The following DCAF12 variants were observed in gnomAD, a reference collection of about 807,000 sequenced individuals.
DCAF12 encodes the protein DDB1- and CUL4-associated factor 12.
DCAF12 carries 28 observed loss-of-function variants against 52.8 expected under a neutral mutation model. That is an observed-to-expected ratio of 0.53 (90% CI 0.39 to 0.73). The LOEUF (loss-of-function observed/expected upper bound fraction) is 0.73, where lower values mean the gene tolerates loss of function less well. Ranked by LOEUF, DCAF12 falls within the 30% of genes least tolerant of loss-of-function variation. The probability of loss-of-function intolerance (pLI) is 0.00; values close to 1 mark genes in which losing one functional copy is unlikely to be tolerated. For synonymous variants in DCAF12, 196 were observed against 215.5 expected (o/e 0.91, Z 0.79); for missense variants, 425 against 552.2 (o/e 0.77, Z 2.31).
chr9:34,114,293 T>A (rs1395616487), intron 2 of DCAF12, among the ~76,000 whole-genome samples: 1 of 152,178 alleles, frequency 6.6e-6, no homozygotes, highest in Admixed American at 6.6e-5. Context: ...CTGGATGCGG[T>A]GGCTCACACC....
chr9:34,091,426 CA>C lies in DCAF12; in HGVS notation c.1025-1837del, dbSNP rs534715205. 2.0e-3 allele frequency among the ~76,000 whole-genome samples: 311 copies of C among 151,802 alleles called. 1 individual carries two copies. The highest frequency in any genetic ancestry group is 7.1e-3 in the African/African-American group (294 of 41,408). On this transcript the variant is annotated intron_variant, in intron 7 of 8. Coordinates refer to ENST00000361264, the MANE Select transcript of DCAF12 (RefSeq NM_015397.4). ...CTTTGGGAGGCTGAGGTGGGTGTCC[CA>C]AGAGTTTGAGACAACTCTGGGCAAC...
chr9:34,108,095 C>G (rs909200986), intron 2 of DCAF12, among the ~76,000 whole-genome samples: 1 of 152,206 alleles, frequency 6.6e-6, no homozygotes, highest in African/African-American at 2.4e-5. Context: ...ACATCCCATT[C>G]AGTCCTATTC....
intron 2 of DCAF12, among the ~76,000 whole-genome samples, chr9:34,113,965 G>A (rs989717741): frequency 3.9e-5 from 6 of 151,966 alleles, no homozygotes; most frequent in Admixed American, 1.3e-4. Flanking sequence ...AAAATTAGCC[G>A]GGCGTGGTGG....
chr9:34,114,291 G>A (rs570858705), intron 2 of DCAF12, among the ~76,000 whole-genome samples: 1 of 152,036 alleles, frequency 6.6e-6, no homozygotes, highest in Non-Finnish European at 1.5e-5. Flanking sequence ...GGCTGGATGC[G>A]GTGGCTCACA....
intron 6 of DCAF12, among the ~76,000 whole-genome samples, chr9:34,095,082 G>GC (rs1202047908): frequency 7.4e-6 from 1 of 135,468 alleles, no homozygotes; most frequent in Non-Finnish European, 1.6e-5. Flanking sequence ...GACTTTGGAG[G>GC]CTTTTTTTTT....
chr9:34,098,589 G>A (rs895977039), intron 4 of DCAF12, 72 bp from the exon 5 acceptor site: 11 of 1,496,756 alleles, frequency 7.3e-6, no homozygotes, highest in African/African-American at 1.4e-5. Flanking sequence ...ACGCCAAAGA[G>A]GGCTTTCATA....
chr9:34,088,538 C>T (rs1828595439), intron 8 of DCAF12, 30 bp from the exon 9 acceptor site: 1 of 1,613,386 alleles, frequency 6.2e-7, no homozygotes. Context: ...CTACAATTAG[C>T]ACCTCTAGCC....
chr9:34,124,909 G>A (rs1829223480), intron 2 of DCAF12, 114 bp downstream of exon 2: 3 of 1,348,880 alleles, frequency 2.2e-6, no homozygotes, highest in Admixed American at 2.3e-5. Flanking sequence ...GGAAAGGAGA[G>A]TAAGGCAAGT....
intron 2 of DCAF12, among the ~76,000 whole-genome samples, chr9:34,113,409 T>A (rs934311287): frequency 6.6e-6 from 1 of 152,056 alleles, no homozygotes; most frequent in African/African-American, 2.4e-5. Context: ...CAAGCTGGAA[T>A]GCAGTGGCGT....
At position 34,088,021 on chromosome 9, in the gene DCAF12, T is replaced by G; in HGVS notation, c.*329A>C. 1 of 41,154 alleles carries G rather than the reference T, an allele frequency of 2.4e-5. No homozygotes were observed. Among genetic ancestry groups the G allele is most frequent in the Admixed American group, 2.5e-4 (1 of 3,966 alleles). The allele number at this position is 41,154 out of a possible 1,614,324, so 2.5% of individuals were successfully genotyped here. Reference sequence around the variant, plus strand: ...CTACCTCTCAAGAGTGAAGTAAGGGTGAGCTATGTCATTTCAGCCTGAAGA... The same window carrying G: ...CTACCTCTCAAGAGTGAAGTAAGGGGGAGCTATGTCATTTCAGCCTGAAGA... On this transcript the variant is annotated 3_prime_UTR_variant, in exon 9 of 9. Transcript: ENST00000361264.
chr9:34,089,473 TAAC>T lies in DCAF12; in HGVS notation c.1139_1141del (p.Cys380del), dbSNP rs1564092716. 1 of 1,614,148 alleles carries T rather than the reference TAAC, an allele frequency of 6.2e-7. No individual in the cohort carries two copies. Among genetic ancestry groups the T allele is most frequent in the South Asian group, 1.1e-5 (1 of 91,082 alleles). On this transcript the variant is annotated inframe_deletion, in exon 8 of 9. Coordinates refer to ENST00000361264, the MANE Select transcript of DCAF12 (RefSeq NM_015397.4). ...CCCTGCTAGTCTGGGCTTGGACCCA[TAAC>T]AAGCTGAGAGCCTCTCTTCCAGAAA...
intron 2 of DCAF12, among the ~76,000 whole-genome samples, chr9:34,115,392 C>T (rs979838924): frequency 7.6e-6 from 1 of 132,406 alleles, no homozygotes; most frequent in African/African-American, 2.8e-5. Context: ...GAGATCGAGA[C>T]CATCCTGGCT....
chr9:34,095,413 C>T (rs1828721208), intron 6 of DCAF12, among the ~76,000 whole-genome samples: 1 of 123,028 alleles, frequency 8.1e-6, no homozygotes, highest in African/African-American at 3.1e-5. Context: ...TAGGGTCTCG[C>T]TCTGTCACCC....
intron 4 of DCAF12, among the ~76,000 whole-genome samples, chr9:34,100,198 CTTT>C (rs35820744): frequency 2.5e-5 from 3 of 117,764 alleles, no homozygotes; most frequent in Admixed American, 9.3e-5. Context: ...CCATGACTGG[CTTT>C]TTTTTTTTTT....
chr9:34,091,639 C>CAAAAAA lies in DCAF12; in HGVS notation c.1024+1641_1024+1646dup, dbSNP rs34922785. On this transcript the variant is annotated intron_variant, in intron 7 of 8. Coordinates refer to ENST00000361264, the MANE Select transcript of DCAF12 (RefSeq NM_015397.4). The stretch of plus-strand genomic sequence containing the variant: ...GCTGATAGAGTGAGGACCCTGTCTT[C>CAAAAAA]AAAAAAAAAAAAAAAAAAAAAACCA... Among the ~76,000 whole-genome samples, 278 of 80,260 alleles carry CAAAAAA rather than the reference C, an allele frequency of 3.5e-3. 2 individuals are homozygous for CAAAAAA. Among genetic ancestry groups the CAAAAAA allele is most frequent in the Non-Finnish European group, 5.0e-3 (226 of 45,020 alleles). The allele number at this position is 80,260 out of a possible 152,430, so 52.7% of individuals were successfully genotyped here.
At chr9:34,125,353 C>A in intron 1 of DCAF12, 76 bp from the exon 2 acceptor site, 1 of 1,519,968 alleles carries the variant, frequency 6.6e-7, no homozygotes, top group Non-Finnish European at 8.9e-7. Flanking sequence ...ACAGAAATCA[C>A]CAACTCATAA....
intron 2 of DCAF12, among the ~76,000 whole-genome samples, chr9:34,117,500 A>T (rs1217698783): frequency 6.6e-6 from 1 of 152,158 alleles, no homozygotes; most frequent in Non-Finnish European, 1.5e-5. Context: ...GAATCCTAAA[A>T]GCCAGCTTTG....
At chr9:34,094,966 A>G (rs78106753) in intron 6 of DCAF12, among the ~76,000 whole-genome samples, 24 of 152,326 alleles carry the variant, frequency 1.6e-4, no homozygotes, top group African/African-American at 5.8e-4. Context: ...ATTTTAAATA[A>G]TTTTCTGCAT....
intron 2 of DCAF12, among the ~76,000 whole-genome samples, chr9:34,122,183 C>T (rs1467398042): frequency 6.6e-6 from 1 of 152,062 alleles, no homozygotes; most frequent in African/African-American, 2.4e-5. Context: ...CGACTTCCCA[C>T]ACCACCCCCC....
Sources: gnomAD v4.1 joint callset for allele counts (sites outside exome capture counted in the v4.1 genomes callset) on GRCh38, gnomAD v4.1.1 for gene constraint, MANE v1.5 for transcripts, NCBI Gene and HGNC (gene_info 2026-07-23, HGNC 2026-07-21) for gene names.